The following DSG4 variants were observed in gnomAD, a reference collection of about 807,000 sequenced individuals.
DSG4 encodes the protein desmoglein-4.
Under a neutral mutation model 93.1 loss-of-function variants are expected in DSG4, and 87 were observed. The ratio of observed to expected loss-of-function variants is 0.93; its 90% CI spans 0.79 to 1.12. DSG4 has a LOEUF of 1.12. Among genes scored for constraint, DSG4 ranks in the 50% most tolerant of loss-of-function variants. The pLI is 0.00. For missense variants in DSG4, 1,373 were observed against 1,285.7 expected, an observed-to-expected ratio of 1.07 and a Z score of -1.04; for synonymous variants, 432 against 452.9, an observed-to-expected ratio of 0.95 and a Z score of 0.59.
In DSG4 at chr18:31,411,354, G is replaced by A. The variant is rs767840706; in HGVS notation, c.2261G>A (p.Gly754Glu). ...LMAAGAAGAS[G>E]AARKRSSTMG... ...GCCGCAGGGGCCGCAGGAGCCTCAG[G>A]GGCCGCAAGGAAGAGGAGCTCTACC... Residue 754 changes from glycine (G) to glutamate (E), a missense_variant, in exon 15 of 16, where the codon GGG becomes GAG. Transcript: ENST00000308128. 9 of 1,614,138 alleles carry A rather than the reference G, an allele frequency of 5.6e-6. No homozygotes were observed. In the South Asian group the frequency reaches 7.7e-5, roughly 14 times the overall value.
intron 11 of DSG4, among the ~76,000 whole-genome samples, chr18:31,405,040 C>T (rs953032818): frequency 6.6e-6 from 1 of 152,144 alleles, no homozygotes; most frequent in Non-Finnish European, 1.5e-5. Context: ...GTGGCATTGC[C>T]TTATCTCATT....
chr18:31,388,285 A>C, intron 3 of DSG4, 82 bp from the exon 4 acceptor site: 1 of 1,517,620 alleles, frequency 6.6e-7, no homozygotes, highest in Middle Eastern at 1.7e-4. Context: ...TGGTAAAGAA[A>C]CCCACTCCCT....
At position 31,388,359 on chromosome 18, in the gene DSG4, T is replaced by C. The variant is rs1237393447; in HGVS notation, c.217-8T>C. 2 of 1,612,706 alleles carry C rather than the reference T, an allele frequency of 1.2e-6. No homozygotes were observed. The highest frequency in any genetic ancestry group is 8.5e-7 in the Non-Finnish European group (1 of 1,179,302). On this transcript the variant is annotated splice_polypyrimidine_tract_variant and splice_region_variant and intron_variant, in intron 3 of 15. Coordinates refer to ENST00000308128, the MANE Select transcript of DSG4 (RefSeq NM_177986.5). ...ACTGGATCACAATCCTAGCTATTTTTCTTATAGATTCGATCAGACTGCGAA... is the reference window on the plus strand; with the variant it reads ...ACTGGATCACAATCCTAGCTATTTTCCTTATAGATTCGATCAGACTGCGAA...
chr18:31,398,146 G>C (rs930127069), intron 8 of DSG4, among the ~76,000 whole-genome samples: 6 of 151,456 alleles, frequency 4.0e-5, no homozygotes, highest in Non-Finnish European at 8.8e-5. Context: ...CAATTGAAAA[G>C]TGATTTTTGA....
At chr18:31,408,123 A>G (rs143494301) in intron 12 of DSG4, among the ~76,000 whole-genome samples, 2 of 152,184 alleles carry the variant, frequency 1.3e-5, no homozygotes, top group Admixed American at 6.5e-5. Context: ...CCCATGGTCT[A>G]TTTTAGGAGA....
rs1408538327 is a variant in DSG4, at chr18:31,399,532, A to G, written c.1266A>G (p.Ala422=). 1 of 1,613,994 alleles carries G rather than the reference A, an allele frequency of 6.2e-7. No individual in the cohort carries two copies. The highest frequency in any genetic ancestry group is 2.2e-5 in the East Asian group (1 of 44,876). The part of the protein sequence containing the change: ...TAIDLDTGNP[A]TDVRYIIGHD... ...TAGATTTGGACACAGGAAACCCTGC[A>G]ACAGATGTCAGGTACTGCAACTATT... Residue 422 remains alanine, a synonymous_variant, in exon 9 of 16, where the codon GCA becomes GCG. Coordinates refer to ENST00000308128, the MANE Select transcript of DSG4 (RefSeq NM_177986.5).
intron 1 of DSG4, among the ~76,000 whole-genome samples, chr18:31,383,074 C>T (rs1366767700): frequency 1.5e-4 from 23 of 152,172 alleles, no homozygotes; most frequent in Admixed American, 1.4e-3. Context: ...TTAGATGCCA[C>T]GGGGCACTAT....
At chr18:31,402,609 T>C (rs1007839290) in intron 10 of DSG4, among the ~76,000 whole-genome samples, 1 of 152,210 alleles carries the variant, frequency 6.6e-6, no homozygotes, top group Non-Finnish European at 1.5e-5. Context: ...AAGGAATTTA[T>C]TGCTTTCTCA....
Position 31,411,361 on chromosome 18 carries a change from A to C in DSG4, c.2268A>C (p.Ala756=), listed in dbSNP as rs765138064. ...GGGCCGCAGGAGCCTCAGGGGCCGC[A>C]AGGAAGAGGAGCTCTACCATGGGAA... is the stretch of plus-strand genomic sequence containing the variant. ...AAGAAGASGA[A]RKRSSTMGTL... The change falls in exon 15 of 16, where the codon GCA becomes GCC. Residue 756 remains alanine (A), a synonymous_variant. Transcript: ENST00000308128. The C allele has an allele frequency of 6.2e-7, 1 of 1,614,060 alleles. No homozygotes were observed. Among genetic ancestry groups the C allele is most frequent in the Non-Finnish European group, 8.5e-7 (1 of 1,180,020 alleles).
In DSG4 at chr18:31,390,069, G is replaced by A. The variant is rs2072231242; in HGVS notation, c.518-587G>A. Among the ~76,000 whole-genome samples, 3 of 152,146 alleles carry A rather than the reference G, an allele frequency of 2.0e-5. 1 individual carries two copies. The highest frequency in any genetic ancestry group is 7.2e-5 in the African/African-American group (3 of 41,440). ...CCTTGGGGATTTGCCTAAGATACCT[G>A]TTCTTTCTACCTATGAGTAATTAGG... On this transcript the variant is annotated intron_variant, in intron 5 of 15. Transcript: ENST00000308128.
chr18:31,391,068 CT>C lies in DSG4; in HGVS notation c.685-8del. ...ACCTAAGTCTTACGTTCTTTTTCATCTTGATTAAGCAACACAGTATGTACAA... is the reference window on the plus strand; with the variant it reads ...ACCTAAGTCTTACGTTCTTTTTCATCTGATTAAGCAACACAGTATGTACAA... On this transcript the variant is annotated splice_polypyrimidine_tract_variant and intron_variant, in intron 6 of 15. Coordinates refer to ENST00000308128, the MANE Select transcript of DSG4 (RefSeq NM_177986.5). The C allele has an allele frequency of 6.2e-7, 1 of 1,613,420 alleles. No individual in the cohort carries two copies. The highest frequency in any genetic ancestry group is 1.1e-5 in the South Asian group (1 of 91,068).
intron 1 of DSG4, among the ~76,000 whole-genome samples, chr18:31,380,052 G>A (rs557152462): frequency 2.8e-4 from 43 of 152,102 alleles, no homozygotes; most frequent in Non-Finnish European, 4.3e-4. Flanking sequence ...TAAATCAGTG[G>A]ATAAGTTTAT....
chr18:31,377,967 G>A (rs971934588), intron 1 of DSG4, among the ~76,000 whole-genome samples: 14 of 152,168 alleles, frequency 9.2e-5, no homozygotes, highest in Non-Finnish European at 1.5e-4. Flanking sequence ...ACAGAGAGTA[G>A]CTAGGGCTGG....
intron 1 of DSG4, among the ~76,000 whole-genome samples, chr18:31,383,115 G>A (rs1175686108): frequency 1.3e-5 from 2 of 152,244 alleles, no homozygotes; most frequent in Non-Finnish European, 2.9e-5. Flanking sequence ...AGAAGAAAAC[G>A]CTTCTTTCTT....
intron 12 of DSG4, among the ~76,000 whole-genome samples, chr18:31,407,147 A>C (rs2072437299): frequency 6.6e-6 from 1 of 152,164 alleles, no homozygotes; most frequent in Non-Finnish European, 1.5e-5. Context: ...ACACAAAAAA[A>C]AACCACACAC....
intron 10 of DSG4, among the ~76,000 whole-genome samples, chr18:31,402,946 C>T (rs569863290): frequency 2.6e-4 from 39 of 152,224 alleles, no homozygotes; most frequent in Non-Finnish European, 2.6e-4. Flanking sequence ...ACAAGAAAAA[C>T]ACAAACAAGT....
chr18:31,393,494 A>T (rs2072272577), intron 8 of DSG4, among the ~76,000 whole-genome samples: 1 of 152,194 alleles, frequency 6.6e-6, no homozygotes, highest in Non-Finnish European at 1.5e-5. Context: ...TGACAAGGGC[A>T]GTAGCAGAAG....
intron 11 of DSG4, 82 bp from the exon 12 acceptor site, chr18:31,405,995 T>A (rs917729037): frequency 5.3e-6 from 8 of 1,514,300 alleles, no homozygotes; most frequent in African/African-American, 1.4e-5. Flanking sequence ...TAAGTCAATA[T>A]TTGGTATTAG....
intron 15 of DSG4, 132 bp downstream of exon 15, chr18:31,411,580 A>G: frequency 1.8e-6 from 2 of 1,133,060 alleles, no homozygotes; most frequent in East Asian, 2.5e-5. Flanking sequence ...CTGAATAAAA[A>G]GTATTTCACG....
Sources: allele counts gnomAD v4.1 joint callset (sites outside exome capture counted in the v4.1 genomes callset), GRCh38; gene constraint gnomAD v4.1.1; transcripts MANE v1.5; gene names NCBI Gene and HGNC (gene_info 2026-07-23, HGNC 2026-07-21).